CAPN15: variants seen among roughly 807,000 people sequenced by gnomAD.
The protein encoded by CAPN15 is calpain 15.
Under a neutral mutation model 97.9 loss-of-function variants are expected in CAPN15, and 53 were observed. The ratio of observed to expected loss-of-function variants is 0.54; its 90% CI spans 0.43 to 0.68. The LOEUF (loss-of-function observed/expected upper bound fraction) is 0.68, where lower values mean the gene tolerates loss of function less well. Among genes scored for constraint, CAPN15 ranks in the 30% least tolerant of loss-of-function variants. The pLI, the probability that CAPN15 is intolerant of heterozygous loss-of-function variation, is 0.00. For missense variants in CAPN15, 1,592 were observed against 1,589.8 expected (o/e 1.00, Z -0.02); for synonymous variants, 922 against 722.5 (o/e 1.28, Z -4.43).
rs1162766917 is a variant in CAPN15 at position 549,088 on chromosome 16, G to A, written c.1545G>A (p.Trp515Ter). The change falls in exon 5 of 14, where the codon TGG (tryptophan) becomes TGA (stop). Residue 515 changes from tryptophan (W) to a stop codon, truncating the protein, a stop_gained. Coordinates refer to ENST00000219611, the MANE Select transcript of CAPN15 (RefSeq NM_005632.3). LOFTEE classifies it high-confidence loss of function. Reference sequence around the variant, plus strand: ...GCGTGCAGCAGCGTGTGAGGCAGTGGCTGCGACCCCAGGAGATCAACTGCT... The same window carrying A: ...GCGTGCAGCAGCGTGTGAGGCAGTGACTGCGACCCCAGGAGATCAACTGCT... The part of the protein sequence containing the change: ...GDSVQQRVRQ[W>*]LRPQEINCSV... 1 of 1,612,482 alleles carries A rather than the reference G, an allele frequency of 6.2e-7. No homozygotes were observed. Among genetic ancestry groups the A allele is most frequent in the African/African-American group, 1.3e-5 (1 of 74,944 alleles).
Position 553,586 on chromosome 16 carries a change from C to A in CAPN15, c.*70C>A, listed in dbSNP as rs1269942421. ...CCCCACACGCACTTTATGAGGGAGACCCCGACAGAGGACGCTTGAGCCAGA... is the reference window on the plus strand; with the variant it reads ...CCCCACACGCACTTTATGAGGGAGAACCCGACAGAGGACGCTTGAGCCAGA... On this transcript the variant is annotated 3_prime_UTR_variant, in exon 14 of 14. Coordinates refer to ENST00000219611, the MANE Select transcript of CAPN15 (RefSeq NM_005632.3). 8.2e-6 allele frequency: 8 copies of A among 981,590 alleles called. No individual in the cohort carries two copies. The highest frequency in any genetic ancestry group is 4.8e-5 in the Admixed American group (2 of 41,554). The allele number at this position is 981,590 out of a possible 1,614,324, so 60.8% of individuals were successfully genotyped here.
At chr16:553,119 G>A in intron 13 of CAPN15, 78 bp downstream of exon 13, 1 of 618,458 alleles carries the variant, frequency 1.6e-6, no homozygotes, top group South Asian at 2.1e-5. Context: ...CCCAACTCGT[G>A]CCCCCCCACC....
At position 535,065 on chromosome 16, in the gene CAPN15, G is replaced by A. The variant is rs546060089; in HGVS notation, c.-136-964G>A. Among the ~76,000 whole-genome samples, 2 of 152,266 alleles carry A rather than the reference G, an allele frequency of 1.3e-5. No homozygotes were observed. The highest frequency in any genetic ancestry group is 6.5e-5 in the Admixed American group (1 of 15,304). ...TGGGTGCCGCCCGCGCAAGGCTGGGGGTCGCTGTGCCAGCCCTGCTCCCAT... is the reference window on the plus strand; with the variant it reads ...TGGGTGCCGCCCGCGCAAGGCTGGGAGTCGCTGTGCCAGCCCTGCTCCCAT... On this transcript the variant is annotated intron_variant, in intron 2 of 13. Transcript: ENST00000219611. The surrounding 1 kb of genome is among the most constrained non-coding windows in gnomAD (Gnocchi z 6.2).
intron 1 of CAPN15, among the ~76,000 whole-genome samples, chr16:529,606 C>A (rs2141940132): frequency 6.6e-6 from 1 of 152,350 alleles, no homozygotes; most frequent in South Asian, 2.1e-4. Context: ...TGGGCCTGAG[C>A]CGCTCAGTGA....
chr16:548,128 G>T lies in CAPN15; in HGVS notation c.1290G>T (p.Lys430Asn). The T allele has an allele frequency of 6.5e-7, 1 of 1,530,866 alleles. No individual in the cohort carries two copies. The highest frequency in any genetic ancestry group is 8.8e-7 in the Non-Finnish European group (1 of 1,139,980). The allele number at this position is 1,530,866 out of a possible 1,614,324, so 94.8% of individuals were successfully genotyped here. ...CCCTGCTCAACGCACTGCGGGCCAA[G>T]CACTGCGCCGCCTGCCACACGCCTC... The part of the protein sequence containing the change: ...ACTLLNALRA[K>N]HCAACHTPQL... Residue 430 changes from lysine (K) to asparagine (N), a missense_variant, in exon 4 of 14, where the codon AAG (lysine) becomes AAT (asparagine). This residue lies in a region of CAPN15 where 883 missense variants were observed against 776.6 expected (regional missense o/e 1.14). Transcript: ENST00000219611.
intron 1 of CAPN15, among the ~76,000 whole-genome samples, chr16:533,326 C>A (rs374272645): frequency 6.6e-6 from 1 of 152,246 alleles, no homozygotes; most frequent in Admixed American, 6.5e-5. Context: ...GGGCGGGAAG[C>A]GTGAGCATCC....
intron 1 of CAPN15, among the ~76,000 whole-genome samples, chr16:533,264 A>G (rs2033402754): frequency 6.6e-6 from 1 of 152,230 alleles, no homozygotes; most frequent in Non-Finnish European, 1.5e-5. Context: ...AAAGAGGGTG[A>G]TGGCTGAGTG....
Position 553,615 on chromosome 16 carries a change from T to TCAGGACC in CAPN15, c.*101_*107dup, listed in dbSNP as rs1323258218. Reference sequence around the variant, plus strand: ...GACAGAGGACGCTTGAGCCAGAATCTCAGGACCCCGCCCAGGGAGCTGCCA... The same window carrying TCAGGACC: ...GACAGAGGACGCTTGAGCCAGAATCTCAGGACCCAGGACCCCGCCCAGGGAGCTGCCA... On this transcript the variant is annotated 3_prime_UTR_variant, in exon 14 of 14. Transcript: ENST00000219611. 3 of 708,318 alleles carry TCAGGACC rather than the reference T, an allele frequency of 4.2e-6. No individual in the cohort carries two copies. Among genetic ancestry groups the TCAGGACC allele is most frequent in the African/African-American group, 3.8e-5 (2 of 53,306 alleles). The allele number at this position is 708,318 out of a possible 1,614,324, so 43.9% of individuals were successfully genotyped here.
intron 3 of CAPN15, 120 bp from the exon 4 acceptor site, chr16:546,697 A>T: frequency 1.5e-6 from 2 of 1,318,768 alleles, no homozygotes; most frequent in Non-Finnish European, 2.0e-6. Context: ...GCTCAGCCCT[A>T]GGCCCTCGGC....
rs759068276 is a variant in CAPN15, at chr16:552,568, A to G, written c.2738-37A>G. The G allele has an allele frequency of 7.0e-5, 110 of 1,564,826 alleles. No individual in the cohort carries two copies. The highest frequency in any genetic ancestry group is 3.6e-4 in the Admixed American group (20 of 55,368). On this transcript the variant is annotated intron_variant, in intron 11 of 13. Transcript: ENST00000219611. The surrounding 1 kb of genome is among the most constrained non-coding windows in gnomAD (Gnocchi z 6.4). ...TACCCCAGGCTCATGCCCCAGGCCC[A>G]CGGGGAGGGCTGCGGTTCACACGCC...
intron 3 of CAPN15, 150 bp from the exon 4 acceptor site, chr16:546,667 C>T: frequency 9.3e-7 from 1 of 1,074,826 alleles, no homozygotes; most frequent in South Asian, 1.7e-5. Flanking sequence ...AGGCAGCCCC[C>T]ACCGCCGCCT....
intron 3 of CAPN15, chr16:537,329 G>A: frequency 1.0e-6 from 1 of 985,530 alleles, no homozygotes; most frequent in Non-Finnish European, 1.2e-6. Context: ...CCTGGGTGCA[G>A]CTGGGCACCA....
Position 547,307 on chromosome 16 carries a change from A to G in CAPN15, c.469A>G (p.Thr157Ala). 2 of 1,524,832 alleles carry G rather than the reference A, an allele frequency of 1.3e-6. No individual in the cohort carries two copies. The highest frequency in any genetic ancestry group is 1.8e-6 in the Non-Finnish European group (2 of 1,140,960). The allele number at this position is 1,524,832 out of a possible 1,614,324, so 94.5% of individuals were successfully genotyped here. The change falls in exon 4 of 14, where the codon ACG (threonine) becomes GCG (alanine). Residue 157 changes from threonine (T) to alanine (A), a missense_variant. Coordinates refer to ENST00000219611, the MANE Select transcript of CAPN15 (RefSeq NM_005632.3). ...GTGTCCGCGTTGCACGCTGCACAAC[A>G]CGCCCGTGGCCAGCTCCTGCTCCGT... ...WACPRCTLHNTPVASSCSVCG... is the reference protein window; with the variant it reads ...WACPRCTLHNAPVASSCSVCG...
At position 554,577 on chromosome 16, in the gene CAPN15, C is replaced by A; in HGVS notation, c.*1061C>A. On this transcript the variant is annotated 3_prime_UTR_variant, in exon 14 of 14. Transcript: ENST00000219611. The stretch of plus-strand genomic sequence containing the variant: ...AGTCCCGTTCCTTTACCATAGGATT[C>A]TCCACAGTGGCTTCCGACTCAGGCT... 2.2e-6 allele frequency: 1 copy of A among 456,250 alleles called. No individual in the cohort carries two copies. Among genetic ancestry groups the A allele is most frequent in the Non-Finnish European group, 4.4e-6 (1 of 226,746 alleles). The allele number at this position is 456,250 out of a possible 1,614,324, so 28.3% of individuals were successfully genotyped here.
chr16:547,628 C>A lies in CAPN15; in HGVS notation c.790C>A (p.Gln264Lys). 6.4e-7 allele frequency: 1 copy of A among 1,568,406 alleles called. No individual in the cohort carries two copies. The highest frequency in any genetic ancestry group is 8.6e-7 in the Non-Finnish European group (1 of 1,158,634). ...GCAGCCACCGGTGCCTGAGGCTGCCCAGCCGTCACCCTCTGCCGGCTGCAG... is the reference window on the plus strand; with the variant it reads ...GCAGCCACCGGTGCCTGAGGCTGCCAAGCCGTCACCCTCTGCCGGCTGCAG... ...QLQPPVPEAA[Q>K]PSPSAGCRGA... Residue 264 changes from glutamine to lysine, a missense_variant, in exon 4 of 14, where the codon CAG (glutamine) becomes AAG (lysine). Coordinates refer to ENST00000219611, the MANE Select transcript of CAPN15 (RefSeq NM_005632.3).
At chr16:550,198 C>A (rs938446187) in intron 7 of CAPN15, among the ~76,000 whole-genome samples, 23 of 152,358 alleles carry the variant, frequency 1.5e-4, no homozygotes, top group Admixed American at 1.5e-3. Context: ...TGGCCACACT[C>A]TGGTCAGCGG....
At chr16:546,018 A>C (rs1217330978) in intron 3 of CAPN15, among the ~76,000 whole-genome samples, 6 of 152,118 alleles carry the variant, frequency 3.9e-5, no homozygotes, top group Non-Finnish European at 7.4e-5. Context: ...CCGCTGTTAG[A>C]GCAGATTCCC....
Position 536,099 on chromosome 16 carries a change from A to T in CAPN15, c.-66A>T. On this transcript the variant is annotated 5_prime_UTR_variant, in exon 3 of 14. Transcript: ENST00000219611. ...TCGGGGCCACTGCACTGGGTGATTC[A>T]CGTGTGCCCAGGCCCTGAGGTGGGC... is the stretch of plus-strand genomic sequence containing the variant. 1.0e-6 allele frequency: 1 copy of T among 976,042 alleles called. No homozygotes were observed. Among genetic ancestry groups the T allele is most frequent in the Non-Finnish European group, 1.2e-6 (1 of 828,278 alleles). The allele number at this position is 976,042 out of a possible 1,614,324, so 60.5% of individuals were successfully genotyped here. A position where few individuals can be genotyped will look rare whatever the true frequency, so the allele number is the denominator to read the frequency against.
Position 534,014 on chromosome 16 carries a change from A to G in CAPN15, c.-137+16A>G. 1.0e-6 allele frequency: 1 copy of G among 984,474 alleles called. No individual in the cohort carries two copies. The highest frequency in any genetic ancestry group is 4.7e-5 in the South Asian group (1 of 21,284). 61.0% of individuals were successfully genotyped at this position (984,474 alleles called of 1,614,324 possible). On this transcript the variant is annotated intron_variant, in intron 2 of 13. Coordinates refer to ENST00000219611, the MANE Select transcript of CAPN15 (RefSeq NM_005632.3). ...GCAGCTTCAGGTGAGTTTGTTCCCA[A>G]GCCCTGCGGCTCGTTTATGGGTTTG...
Sources: gnomAD v4.1 joint callset for allele counts (sites outside exome capture counted in the v4.1 genomes callset) on GRCh38, gnomAD v4.1.1 for gene constraint, gnomAD v4.1.1 regional missense constraint, Gnocchi (gnomAD v3.1) non-coding constraint, MANE v1.5 for transcripts, NCBI Gene and HGNC (gene_info 2026-07-23, HGNC 2026-07-21) for gene names.